MICU1: variants seen among roughly 807,000 people sequenced by gnomAD.
MICU1 encodes mitochondrial calcium uptake 1.
MICU1 carries 45 observed loss-of-function variants against 56.8 expected under a neutral mutation model. The ratio of observed to expected loss-of-function variants is 0.79; its 90% CI spans 0.62 to 1.02. The LOEUF is 1.02. MICU1 is among the 50% of genes least tolerant of loss of function. The pLI is 0.00. For synonymous variants in MICU1, 186 were observed against 195.1 expected (o/e 0.95, Z 0.39); for missense variants, 504 against 587.1 (o/e 0.86, Z 1.46).
rs565168664 is a variant in MICU1, at chr10:72,442,667, T to C, written c.934-19296A>G. On this transcript the variant is annotated intron_variant, in intron 8 of 11. Coordinates refer to ENST00000361114, the MANE Select transcript of MICU1 (RefSeq NM_001195518.2). The stretch of plus-strand genomic sequence containing the variant: ...TTTGTACAAATGCCCTACTTACTGA[T>C]TTTTCCAAAACATATTAAACTTTCC... Among the ~76,000 whole-genome samples the C allele has an allele frequency of 1.2e-4, 18 of 152,318 alleles. 1 individual carries two copies. The South Asian group carries it at 2.5e-3, about 21-fold the overall frequency.
intron 5 of MICU1, among the ~76,000 whole-genome samples, chr10:72,522,544 A>C (rs1483635905): frequency 6.6e-6 from 1 of 152,168 alleles, no homozygotes. Context: ...TTGAATAATC[A>C]AACACATGGG....
At chr10:72,395,841 A>G (rs1344434509) in intron 10 of MICU1, among the ~76,000 whole-genome samples, 2 of 152,342 alleles carry the variant, frequency 1.3e-5, no homozygotes, top group East Asian at 3.9e-4. Flanking sequence ...CTCCACCTCT[A>G]TGGGCAGGGC....
At chr10:72,406,743 C>T (rs1336942980) in intron 10 of MICU1, among the ~76,000 whole-genome samples, 1 of 152,090 alleles carries the variant, frequency 6.6e-6, no homozygotes, top group African/African-American at 2.4e-5. Flanking sequence ...TCTCCTGCCT[C>T]AGCCTTCCGA....
intron 1 of MICU1, among the ~76,000 whole-genome samples, chr10:72,573,385 A>AG (rs1840664753): frequency 1.1e-5 from 1 of 94,230 alleles, no homozygotes; most frequent in Non-Finnish European, 2.7e-5. Context: ...TTTCATATAA[A>AG]AAAGGAGAAA....
intron 6 of MICU1, among the ~76,000 whole-genome samples, chr10:72,495,655 C>CAAA (rs758909513): frequency 8.2e-5 from 7 of 85,402 alleles, no homozygotes; most frequent in African/African-American, 1.4e-4. Flanking sequence ...ACCTCTGTCT[C>CAAA]AAAAAAAAAA....
chr10:72,402,745 AATG>A (rs1262121010), intron 10 of MICU1, among the ~76,000 whole-genome samples: 8 of 152,174 alleles, frequency 5.3e-5, no homozygotes, highest in African/African-American at 1.9e-4. Context: ...CACTACAGGA[AATG>A]ATAAAGGAAG....
At chr10:72,537,262 G>T (rs1839660497) in intron 4 of MICU1, among the ~76,000 whole-genome samples, 1 of 152,188 alleles carries the variant, frequency 6.6e-6, no homozygotes, top group Non-Finnish European at 1.5e-5. Context: ...TTCTTAAAAT[G>T]TTTGGAAGTG....
intron 6 of MICU1, among the ~76,000 whole-genome samples, chr10:72,481,979 T>C (rs905970786): frequency 4.6e-5 from 7 of 152,186 alleles, no homozygotes; most frequent in African/African-American, 7.2e-5. Flanking sequence ...ATTCCACCAT[T>C]GACAATCATG....
chr10:72,549,515 C>A (rs1455008984), intron 4 of MICU1, among the ~76,000 whole-genome samples: 1 of 152,066 alleles, frequency 6.6e-6, no homozygotes, highest in Non-Finnish European at 1.5e-5. Context: ...TTTGACCACA[C>A]AATTTACTCA....
chr10:72,382,365 A>C (rs1332208359), intron 10 of MICU1, among the ~76,000 whole-genome samples: 2 of 149,814 alleles, frequency 1.3e-5, no homozygotes, highest in Non-Finnish European at 3.0e-5. Context: ...ACCCGCCTTG[A>C]CCTCCCAAAG....
At chr10:72,421,147 T>C (rs965428808) in intron 9 of MICU1, among the ~76,000 whole-genome samples, 7 of 151,814 alleles carry the variant, frequency 4.6e-5, no homozygotes, top group African/African-American at 7.3e-5. Flanking sequence ...TACAGGTATG[T>C]GCCACCATGC....
At chr10:72,603,596 G>A (rs1280513772) in intron 1 of MICU1, among the ~76,000 whole-genome samples, 1 of 152,000 alleles carries the variant, frequency 6.6e-6, no homozygotes, top group Admixed American at 6.6e-5. Flanking sequence ...CCTGAGGTCA[G>A]GAGTTCGACA....
intron 3 of MICU1, among the ~76,000 whole-genome samples, chr10:72,554,649 A>C (rs1361448298): frequency 1.3e-5 from 2 of 152,246 alleles, no homozygotes; most frequent in Non-Finnish European, 2.9e-5. Flanking sequence ...ACAAAAAGAA[A>C]TGGTTACTAC....
At chr10:72,425,102 G>C (rs1009431515) in intron 8 of MICU1, among the ~76,000 whole-genome samples, 30 of 152,180 alleles carry the variant, frequency 2.0e-4, no homozygotes, top group African/African-American at 7.2e-4. Context: ...CATACTTTTT[G>C]CAATGTTTAA....
intron 8 of MICU1, among the ~76,000 whole-genome samples, chr10:72,461,287 G>A (rs562269209): frequency 4.6e-5 from 7 of 152,210 alleles, no homozygotes; most frequent in African/African-American, 1.2e-4. Flanking sequence ...AGAGTTTACC[G>A]AGTGCTCTAA....
At chr10:72,453,283 T>C (rs1865352729) in intron 8 of MICU1, among the ~76,000 whole-genome samples, 1 of 152,174 alleles carries the variant, frequency 6.6e-6, no homozygotes, top group Admixed American at 6.5e-5. Context: ...ATGATAGATA[T>C]ATATTAAAAG....
chr10:72,616,536 G>A (rs183626473), intron 1 of MICU1, among the ~76,000 whole-genome samples: 23 of 148,886 alleles, frequency 1.5e-4, no homozygotes, highest in East Asian at 1.4e-3. Flanking sequence ...GTGGTGAGCC[G>A]AGGTCACACC....
At chr10:72,462,219 CTTTT>C (rs1187394084) in intron 8 of MICU1, among the ~76,000 whole-genome samples, 6 of 138,872 alleles carry the variant, frequency 4.3e-5, no homozygotes, top group Admixed American at 1.5e-4. Context: ...CTTTTCTTTT[CTTTT>C]TTTTTTTTTT....
intron 10 of MICU1, among the ~76,000 whole-genome samples, chr10:72,389,737 C>T (rs1863006389): frequency 6.6e-6 from 1 of 152,150 alleles, no homozygotes. Flanking sequence ...TTTATTGTAC[C>T]TGGATATTCT....
Sources: allele counts gnomAD v4.1 joint callset (sites outside exome capture counted in the v4.1 genomes callset), GRCh38; gene constraint gnomAD v4.1.1; transcripts MANE v1.5; gene names NCBI Gene and HGNC (gene_info 2026-07-23, HGNC 2026-07-21).